Variants in PCDHA4 observed in about 807,000 individuals in gnomAD.
PCDHA4 encodes the protein protocadherin alpha 4, also known as protocadherin alpha-4.
A neutral mutation model predicts 61.4 loss-of-function variants in PCDHA4; 49 were observed. The ratio of observed to expected loss-of-function variants is 0.80; its 90% CI spans 0.63 to 1.01. The LOEUF is 1.01. PCDHA4 is among the 50% of genes least tolerant of loss of function. The probability of loss-of-function intolerance (pLI) is 0.00; values close to 1 mark genes in which losing one functional copy is unlikely to be tolerated. For synonymous variants in PCDHA4, 590 were observed against 550.3 expected (o/e 1.07, Z -1.01); for missense variants, 1,254 against 1,235.8 (o/e 1.01, Z -0.22).
intron 1 of PCDHA4, chr5:140,830,494 A>T (rs2150187219): frequency 3.4e-6 from 5 of 1,472,568 alleles, no homozygotes; most frequent in Non-Finnish European, 4.5e-6. Flanking sequence ...AAGTAAGTGA[A>T]TTTTCATAAT....
At chr5:140,895,197 T>C (rs782373000) in intron 1 of PCDHA4, among the ~76,000 whole-genome samples, 2 of 152,182 alleles carry the variant, frequency 1.3e-5, no homozygotes, top group Non-Finnish European at 1.5e-5. Flanking sequence ...AAGTTTTGAA[T>C]TTGCTTTTAT....
At chr5:140,959,697 CTTTGAAAGGGA>C (rs2095506406) in intron 1 of PCDHA4, among the ~76,000 whole-genome samples, 1 of 152,008 alleles carries the variant, frequency 6.6e-6, no homozygotes, top group Non-Finnish European at 1.5e-5. Flanking sequence ...ATAAAATGAG[CTTTGAAAGGGA>C]AAATTTTTAG....
In PCDHA4 at chr5:140,843,453, T is replaced by A. The variant is rs1554140092; in HGVS notation, c.2385+33881T>A. Reference sequence around the variant, plus strand: ...GCCATCTGCGCGGTATCCAGCCTGCTGGTGCTCACGCTGCTGCTGTACACT... The same window carrying A: ...GCCATCTGCGCGGTATCCAGCCTGCAGGTGCTCACGCTGCTGCTGTACACT... On this transcript the variant is annotated intron_variant, in intron 1 of 3. Coordinates refer to ENST00000530339, the MANE Select transcript of PCDHA4 (RefSeq NM_018907.4). 5.6e-6 allele frequency: 9 copies of A among 1,596,126 alleles called. No individual in the cohort carries two copies. Among genetic ancestry groups the A allele is most frequent in the Non-Finnish European group, 7.7e-6 (9 of 1,165,636 alleles).
intron 1 of PCDHA4, chr5:140,968,323 C>T (rs1554230616): frequency 1.2e-6 from 2 of 1,614,114 alleles, no homozygotes; most frequent in East Asian, 2.2e-5. Flanking sequence ...TGCCAGTCAC[C>T]TCCTATGTCT....
chr5:141,002,273 AC>A (rs748746747), intron 3 of PCDHA4, among the ~76,000 whole-genome samples: 69 of 152,308 alleles, frequency 4.5e-4, no homozygotes, highest in Non-Finnish European at 9.1e-4. Flanking sequence ...AGAGCTGGTA[AC>A]AAAGGGATGA....
chr5:140,851,939 T>C lies in PCDHA4; in HGVS notation c.2385+42367T>C, dbSNP rs1034912000. ...ATGTTATGTTTCCTGAATTGTAGTATGTGACTTTCAAAATGGTGGTTTTCC... is the reference window on the plus strand; with the variant it reads ...ATGTTATGTTTCCTGAATTGTAGTACGTGACTTTCAAAATGGTGGTTTTCC... On this transcript the variant is annotated intron_variant, in intron 1 of 3. Transcript: ENST00000530339. The C allele has an allele frequency of 2.2e-4, 214 of 966,074 alleles. 16 individuals carry two copies. The highest frequency in any genetic ancestry group is 1.3e-3 in the Admixed American group (21 of 15,930). The allele number at this position is 966,074 out of a possible 1,614,324, so 59.8% of individuals were successfully genotyped here.
chr5:140,972,660 ATTTT>A (rs11350929), intron 1 of PCDHA4, among the ~76,000 whole-genome samples: 1 of 117,264 alleles, frequency 8.5e-6, no homozygotes. Flanking sequence ...AAGAAACCAA[ATTTT>A]TTTTTTTTTT....
intron 1 of PCDHA4, chr5:140,842,313 C>T (rs2150333932): frequency 2.5e-6 from 4 of 1,607,028 alleles, no homozygotes; most frequent in East Asian, 2.2e-5. Flanking sequence ...CCTCCCATGG[C>T]GGGTCATTGC....
chr5:140,985,533 G>T (rs2097156708), intron 3 of PCDHA4, among the ~76,000 whole-genome samples: 1 of 152,082 alleles, frequency 6.6e-6, no homozygotes, highest in Admixed American at 6.6e-5. Context: ...AAGCTTCACG[G>T]TGAAGATGCA....
At chr5:140,943,624 G>C (rs2093534515) in intron 1 of PCDHA4, among the ~76,000 whole-genome samples, 2 of 152,106 alleles carry the variant, frequency 1.3e-5, no homozygotes, top group African/African-American at 4.8e-5. Context: ...ATCTGCATAA[G>C]GAAGCTGGAT....
intron 1 of PCDHA4, among the ~76,000 whole-genome samples, chr5:140,946,325 A>G (rs2093929113): frequency 6.6e-6 from 1 of 151,932 alleles, no homozygotes; most frequent in Non-Finnish European, 1.5e-5. Context: ...TGAAAGAGGA[A>G]AGATAACAAG....
chr5:140,808,831 C>T lies in PCDHA4; in HGVS notation c.1644C>T (p.Asn548=). 2 of 1,612,932 alleles carry T rather than the reference C, an allele frequency of 1.2e-6. No individual in the cohort carries two copies. Among genetic ancestry groups the T allele is most frequent in the Non-Finnish European group, 1.7e-6 (2 of 1,179,858 alleles). ...CCGGCGTGCCACCTCTGGGCAGCAACGTGACGCTGCAGGTGTTCGTGCTGG... is the reference window on the plus strand; with the variant it reads ...CCGGCGTGCCACCTCTGGGCAGCAATGTGACGCTGCAGGTGTTCGTGCTGG... The part of the protein sequence containing the change: ...RDAGVPPLGS[N]VTLQVFVLDE... The change falls in exon 1 of 4, where the codon AAC becomes AAT. Residue 548 remains asparagine (N), a synonymous_variant. Transcript: ENST00000530339.
chr5:140,822,623 T>C, intron 1 of PCDHA4: 1 of 1,611,512 alleles, frequency 6.2e-7, no homozygotes, highest in Non-Finnish European at 8.5e-7. Flanking sequence ...TTTAGTAATC[T>C]TGTTCTTGAC....
At chr5:140,905,669 A>G (rs781948009) in intron 1 of PCDHA4, among the ~76,000 whole-genome samples, 11 of 152,228 alleles carry the variant, frequency 7.2e-5, no homozygotes, top group Admixed American at 2.0e-4. Flanking sequence ...ATCCATTAAC[A>G]TGGAACATAT....
Position 140,850,689 on chromosome 5 carries a change from T to G in PCDHA4, c.2385+41117T>G, listed in dbSNP as rs1554144776. On this transcript the variant is annotated intron_variant, in intron 1 of 3. Coordinates refer to ENST00000530339, the MANE Select transcript of PCDHA4 (RefSeq NM_018907.4). ...CTCGGCGATGCCCACCGAGGGCGAG[T>G]GCGCGCCTGGCAAGCCGACGCTGGT... The G allele has an allele frequency of 2.5e-6, 4 of 1,594,816 alleles. No individual in the cohort carries two copies. In the South Asian group the frequency reaches 3.3e-5, roughly 13 times the overall value.
At chr5:140,871,302 G>A in intron 1 of PCDHA4, 1 of 1,613,972 alleles carries the variant, frequency 6.2e-7, no homozygotes, top group Non-Finnish European at 8.5e-7. Context: ...CGTGCGCGCC[G>A]GGGAAGCCCA....
intron 1 of PCDHA4, chr5:140,929,696 A>G (rs955159626): frequency 2.6e-5 from 7 of 266,458 alleles, no homozygotes; most frequent in African/African-American, 1.3e-4. Flanking sequence ...TCTGCTTTAT[A>G]TGAATATAAT....
chr5:140,941,373 G>A (rs576282436), intron 1 of PCDHA4, among the ~76,000 whole-genome samples: 2 of 134,082 alleles, frequency 1.5e-5, no homozygotes, highest in South Asian at 5.1e-4. Flanking sequence ...CTGGAGTGTA[G>A]TGACAGGATT....
chr5:141,008,300 C>G (rs1272725012), intron 3 of PCDHA4, among the ~76,000 whole-genome samples: 3 of 152,162 alleles, frequency 2.0e-5, no homozygotes, highest in African/African-American at 7.2e-5. Context: ...GTACCCAACC[C>G]TAAACTGTAA....
Sources: gnomAD v4.1 joint callset for allele counts (sites outside exome capture counted in the v4.1 genomes callset) on GRCh38, gnomAD v4.1.1 for gene constraint, MANE v1.5 for transcripts, NCBI Gene and HGNC (gene_info 2026-07-23, HGNC 2026-07-21) for gene names.